The following RBFOX1 variants were observed in gnomAD, a reference collection of about 807,000 sequenced individuals.
RBFOX1 encodes the protein RNA binding fox-1 homolog 1.
Under a neutral mutation model 57.7 loss-of-function variants are expected in RBFOX1, and 8 were observed. The observed-to-expected ratio is 0.14, with a 90% CI of 0.08 to 0.25. The LOEUF is 0.25. Among genes scored for constraint, RBFOX1 ranks in the 10% least tolerant of loss-of-function variants. RBFOX1 has a pLI of 1.00. For missense variants in RBFOX1, 611 were observed against 548.5 expected (o/e 1.11, Z -1.14); for synonymous variants, 326 against 222.4 (o/e 1.47, Z -4.15).
chr16:6,482,269 T>A (rs1019499687), intron 2 of RBFOX1, among the ~76,000 whole-genome samples: 1 of 152,222 alleles, frequency 6.6e-6, no homozygotes, highest in Non-Finnish European at 1.5e-5. Context: ...TTTAAATAAG[T>A]GCTTGAGGTA....
At chr16:5,927,574 G>A (rs1263185349) in intron 4 of RBFOX1, among the ~76,000 whole-genome samples, 1 of 152,186 alleles carries the variant, frequency 6.6e-6, no homozygotes, top group Non-Finnish European at 1.5e-5. Context: ...ACTACCGTAT[G>A]ATCCAGCAAT....
chr16:7,129,194 A>C (rs571400785), intron 4 of RBFOX1, among the ~76,000 whole-genome samples: 2 of 152,248 alleles, frequency 1.3e-5, no homozygotes, highest in Non-Finnish European at 2.9e-5. Flanking sequence ...CCAGAGTACA[A>C]GTTCTTCCTC....
intron 3 of RBFOX1, among the ~76,000 whole-genome samples, chr16:6,712,818 G>A (rs2063960450): frequency 6.7e-6 from 1 of 148,832 alleles, no homozygotes; most frequent in Non-Finnish European, 1.5e-5. Flanking sequence ...ATCTTGAATT[G>A]TAGCTCTCAT....
At chr16:7,409,675 A>G (rs985483400) in intron 4 of RBFOX1, among the ~76,000 whole-genome samples, 21 of 152,224 alleles carry the variant, frequency 1.4e-4, no homozygotes, top group African/African-American at 5.1e-4. Context: ...CAGACCTTCT[A>G]TCCTTGGCTA....
At chr16:5,999,802 G>A (rs529289781) in intron 4 of RBFOX1, among the ~76,000 whole-genome samples, 44 of 142,938 alleles carry the variant, frequency 3.1e-4, no homozygotes, top group African/African-American at 1.0e-3. Context: ...CGGAGCTTGT[G>A]GTGAGCAGAG....
intron 4 of RBFOX1, among the ~76,000 whole-genome samples, chr16:7,166,577 T>C (rs566385938): frequency 6.6e-6 from 1 of 152,278 alleles, no homozygotes; most frequent in African/African-American, 2.4e-5. Flanking sequence ...GACAGCCTCG[T>C]CATCGGTTAT....
intron 1 of RBFOX1, among the ~76,000 whole-genome samples, chr16:5,417,275 T>C (rs1254753536): frequency 6.6e-6 from 1 of 152,232 alleles, no homozygotes; most frequent in Non-Finnish European, 1.5e-5. Flanking sequence ...GAAATCAATG[T>C]GTCCGAACGT....
At chr16:7,622,126 GTTGGTCAGCAC>G (rs1374187559) in intron 10 of RBFOX1, among the ~76,000 whole-genome samples, 1 of 152,170 alleles carries the variant, frequency 6.6e-6, no homozygotes, top group East Asian at 1.9e-4. Flanking sequence ...AAAGTCTGTA[GTTGGTCAGCAC>G]TTGATTTAGA....
intron 3 of RBFOX1, among the ~76,000 whole-genome samples, chr16:5,851,422 T>C (rs78502124): frequency 0.043 from 6,565 of 152,156 alleles, 254 homozygotes; most frequent in East Asian, 0.22. Context: ...CCCTCCTCCT[T>C]AATTTTCCTC....
chr16:7,248,845 T>A (rs746772547), intron 4 of RBFOX1, among the ~76,000 whole-genome samples: 1 of 152,230 alleles, frequency 6.6e-6, no homozygotes, highest in Non-Finnish European at 1.5e-5. Context: ...CTGTCATCTA[T>A]TTGTAATCTG....
chr16:7,019,055 T>A (rs2035247), intron 3 of RBFOX1, among the ~76,000 whole-genome samples: 1 of 151,942 alleles, frequency 6.6e-6, no homozygotes, highest in East Asian at 1.9e-4. Context: ...GGTTTCCTAG[T>A]TTTTAGAAGT....
At chr16:6,329,273 A>AG (rs1354330267) in intron 2 of RBFOX1, among the ~76,000 whole-genome samples, 7 of 152,336 alleles carry the variant, frequency 4.6e-5, no homozygotes, top group Non-Finnish European at 8.8e-5. Flanking sequence ...GAAGTTTACA[A>AG]GCATCACCTC....
At chr16:5,701,670 A>G (rs1422281736) in intron 3 of RBFOX1, among the ~76,000 whole-genome samples, 3 of 152,038 alleles carry the variant, frequency 2.0e-5, no homozygotes, top group South Asian at 2.1e-4. Context: ...CTGGCCTAAA[A>G]CAATCCGCCT....
intron 2 of RBFOX1, among the ~76,000 whole-genome samples, chr16:6,600,255 G>A (rs1031140700): frequency 2.0e-5 from 3 of 151,896 alleles, no homozygotes; most frequent in African/African-American, 7.3e-5. Flanking sequence ...ACAGAATCTC[G>A]GGGCTTTTGT....
chr16:5,750,831 G>A (rs185496834), intron 3 of RBFOX1, among the ~76,000 whole-genome samples: 108 of 152,296 alleles, frequency 7.1e-4, no homozygotes, highest in Non-Finnish European at 9.6e-4. Flanking sequence ...TCGATGCCTC[G>A]CCCTGCTTCG....
At chr16:7,019,183 C>T (rs1340508460) in intron 3 of RBFOX1, among the ~76,000 whole-genome samples, 1 of 151,750 alleles carries the variant, frequency 6.6e-6, no homozygotes, top group Non-Finnish European at 1.5e-5. Flanking sequence ...TTTTAGGACA[C>T]TAAATTATTT....
chr16:6,400,018 G>T (rs935977341), intron 2 of RBFOX1, among the ~76,000 whole-genome samples: 8 of 152,138 alleles, frequency 5.3e-5, no homozygotes, highest in African/African-American at 1.9e-4. Flanking sequence ...AACATGTGAG[G>T]ATTATGAGAA....
At chr16:5,966,335 C>T (rs1167548900) in intron 4 of RBFOX1, among the ~76,000 whole-genome samples, 2 of 152,218 alleles carry the variant, frequency 1.3e-5, no homozygotes, top group African/African-American at 4.8e-5. Context: ...AGGGCAGTGG[C>T]ATCCGCTTCC....
chr16:7,158,144 C>G (rs1373554454), intron 4 of RBFOX1, among the ~76,000 whole-genome samples: 1 of 152,018 alleles, frequency 6.6e-6, no homozygotes, highest in African/African-American at 2.4e-5. Flanking sequence ...GTCAGGAGTT[C>G]GAGAACAGCC....
Sources: allele counts gnomAD v4.1 joint callset (sites outside exome capture counted in the v4.1 genomes callset), GRCh38; gene constraint gnomAD v4.1.1; transcripts MANE v1.5; gene names NCBI Gene and HGNC (gene_info 2026-07-23, HGNC 2026-07-21).